The following CIBAR1 variants were observed in gnomAD, a reference collection of about 807,000 sequenced individuals.
CIBAR1 encodes the protein CBY1-interacting BAR domain-containing protein 1.
CIBAR1 carries 25 observed loss-of-function variants against 44.0 expected under a neutral mutation model. The observed-to-expected ratio is 0.57, with a 90% CI of 0.41 to 0.79. CIBAR1 has a LOEUF of 0.79. Among genes scored for constraint, CIBAR1 ranks in the 30% least tolerant of loss-of-function variants. The probability of loss-of-function intolerance (pLI) is 0.00; values close to 1 mark genes in which losing one functional copy is unlikely to be tolerated. For missense variants in CIBAR1, 278 were observed against 344.8 expected, an observed-to-expected ratio of 0.81 and a Z score of 1.53; for synonymous variants, 115 against 119.0, an observed-to-expected ratio of 0.97 and a Z score of 0.22.
rs375902786 is a variant in CIBAR1 at position 93,717,976 on chromosome 8, G to C, written c.544-699G>C. Among the ~76,000 whole-genome samples, 3 of 152,092 alleles carry C rather than the reference G, an allele frequency of 2.0e-5. No individual in the cohort carries two copies. The East Asian group carries it at 5.8e-4, about 29-fold the overall frequency. On this transcript the variant is annotated intron_variant, in intron 6 of 8. Coordinates refer to ENST00000518322, the MANE Select transcript of CIBAR1 (RefSeq NM_145269.5). Reference sequence around the variant, plus strand: ...TCATGCTTATAGAGGTTACCTGCACGGTTTATCTGTGAAGGAAATGATTGA... The same window carrying C: ...TCATGCTTATAGAGGTTACCTGCACCGTTTATCTGTGAAGGAAATGATTGA...
intron 3 of CIBAR1, among the ~76,000 whole-genome samples, chr8:93,704,178 C>T (rs931999321): frequency 6.6e-6 from 1 of 151,900 alleles, no homozygotes; most frequent in Non-Finnish European, 1.5e-5. Flanking sequence ...ATTAAGTATA[C>T]TGTAGCAATA....
At chr8:93,727,277 TGA>T in intron 8 of CIBAR1, 1 of 1,023,742 alleles carries the variant, frequency 9.8e-7, no homozygotes, top group Non-Finnish European at 1.3e-6. Flanking sequence ...TATTTTCATT[TGA>T]TTCTCCTGTA....
At chr8:93,713,949 G>A (rs1056718986) in intron 6 of CIBAR1, among the ~76,000 whole-genome samples, 2 of 152,032 alleles carry the variant, frequency 1.3e-5, no homozygotes, top group African/African-American at 4.8e-5. Flanking sequence ...GGCTATTCTG[G>A]ATCTATGGCA....
chr8:93,718,619 A>G lies in CIBAR1; in HGVS notation c.544-56A>G, dbSNP rs554764017. ...GACTATAGTGAGGAATAAAGTTACT[A>G]TATTCATAAAGAAATTTAAATCATT... On this transcript the variant is annotated intron_variant, in intron 6 of 8. Coordinates refer to ENST00000518322, the MANE Select transcript of CIBAR1 (RefSeq NM_145269.5). The G allele has an allele frequency of 2.9e-4, 281 of 968,044 alleles. 2 individuals are homozygous for G. In the African/African-American group the frequency reaches 3.9e-3, roughly 14 times the overall value. The allele number at this position is 968,044 out of a possible 1,614,324, so 60.0% of individuals were successfully genotyped here. A position where few individuals can be genotyped will look rare whatever the true frequency, so the allele number is the denominator to read the frequency against.
chr8:93,700,832 C>T (rs1403601443), intron 1 of CIBAR1, 159 bp downstream of exon 1: 3 of 1,317,756 alleles, frequency 2.3e-6, no homozygotes, highest in African/African-American at 3.1e-5. Context: ...CCTTGGGCTG[C>T]AGCCACCGCC....
intron 6 of CIBAR1, among the ~76,000 whole-genome samples, chr8:93,710,171 G>A (rs916569125): frequency 1.3e-5 from 2 of 151,958 alleles, no homozygotes; most frequent in Non-Finnish European, 2.9e-5. Flanking sequence ...CAGCTTCTTA[G>A]GGGGCTGAGG....
intron 6 of CIBAR1, among the ~76,000 whole-genome samples, chr8:93,713,928 A>T (rs1206545003): frequency 6.6e-6 from 1 of 152,156 alleles, no homozygotes; most frequent in Admixed American, 6.5e-5. Context: ...TTCTTTTTTT[A>T]AAATTGATGT....
At chr8:93,717,743 G>A (rs1045944143) in intron 6 of CIBAR1, among the ~76,000 whole-genome samples, 4 of 152,144 alleles carry the variant, frequency 2.6e-5, no homozygotes, top group African/African-American at 9.7e-5. Context: ...CCATGCTTGA[G>A]TATTTTCTGC....
In CIBAR1 at chr8:93,726,529, T is replaced by C. The variant is rs1563652620; in HGVS notation, c.777+16T>C. ...AACAGGACAGGTGAGCAAGAAACCG[T>C]ACTCTAAAGGAATTTGAGCTGCTGC... On this transcript the variant is annotated intron_variant, in intron 8 of 8. Coordinates refer to ENST00000518322, the MANE Select transcript of CIBAR1 (RefSeq NM_145269.5). 6.2e-7 allele frequency: 1 copy of C among 1,612,460 alleles called. No individual in the cohort carries two copies. Among genetic ancestry groups the C allele is most frequent in the South Asian group, 1.1e-5 (1 of 90,888 alleles).
At chr8:93,722,318 C>T (rs1454320331) in intron 7 of CIBAR1, among the ~76,000 whole-genome samples, 1 of 152,158 alleles carries the variant, frequency 6.6e-6, no homozygotes, top group Non-Finnish European at 1.5e-5. Flanking sequence ...TTGTAAGAAC[C>T]GCTGAGATTT....
chr8:93,718,827 T>C, intron 7 of CIBAR1, 39 bp downstream of exon 7: 2 of 1,204,828 alleles, frequency 1.7e-6, no homozygotes, highest in Non-Finnish European at 2.3e-6. Context: ...CTTCTGTTAA[T>C]GTGGAAATAT....
intron 8 of CIBAR1, chr8:93,727,238 C>T (rs982564642): frequency 8.1e-7 from 1 of 1,236,914 alleles, no homozygotes; most frequent in Non-Finnish European, 1.1e-6. Flanking sequence ...CAAGATACAA[C>T]TTTTAGGTAA....
chr8:93,719,038 A>AT (rs1811144712), intron 7 of CIBAR1, among the ~76,000 whole-genome samples: 1 of 151,906 alleles, frequency 6.6e-6, no homozygotes, highest in Admixed American at 6.6e-5. Flanking sequence ...TAATTTTTGT[A>AT]TTTTTAGTAG....
rs898070986 is a variant in CIBAR1, at chr8:93,729,457, C to G, written c.*1160C>G. ...AATTTGGTTGTACTTCGGGGGAAAACAACAGAGTTATTATTTTGCTGCTTA... is the reference window on the plus strand; with the variant it reads ...AATTTGGTTGTACTTCGGGGGAAAAGAACAGAGTTATTATTTTGCTGCTTA... On this transcript the variant is annotated 3_prime_UTR_variant, in exon 9 of 9. Coordinates refer to ENST00000518322, the MANE Select transcript of CIBAR1 (RefSeq NM_145269.5). The G allele has an allele frequency of 1.3e-5, 2 of 152,120 alleles. No homozygotes were observed. The highest frequency in any genetic ancestry group is 2.9e-5 in the Non-Finnish European group (2 of 67,974). The allele number at this position is 152,120 out of a possible 1,614,324, so 9.4% of individuals were successfully genotyped here. A position where few individuals can be genotyped will look rare whatever the true frequency, so the allele number is the denominator to read the frequency against.
At chr8:93,726,091 G>T in intron 7 of CIBAR1, 1 of 259,388 alleles carries the variant, frequency 3.9e-6, no homozygotes, top group South Asian at 4.8e-5. Context: ...CTCCCTACTA[G>T]CTTGCATGCT....
intron 7 of CIBAR1, among the ~76,000 whole-genome samples, chr8:93,724,170 C>G (rs961709298): frequency 6.6e-6 from 1 of 152,178 alleles, no homozygotes; most frequent in African/African-American, 2.4e-5. Context: ...CTACAGTGAG[C>G]TATGACTGCA....
intron 7 of CIBAR1, among the ~76,000 whole-genome samples, chr8:93,720,501 C>T (rs1811222562): frequency 1.3e-5 from 2 of 152,156 alleles, no homozygotes; most frequent in African/African-American, 4.8e-5. Context: ...TCAATCATGA[C>T]TTCCCAAGTG....
intron 7 of CIBAR1, chr8:93,719,765 A>C (rs1811175466): frequency 6.6e-6 from 1 of 152,216 alleles, no homozygotes; most frequent in African/African-American, 2.4e-5. Context: ...TTCTGTAAAT[A>C]TCCAACCCTC....
intron 7 of CIBAR1, among the ~76,000 whole-genome samples, chr8:93,723,088 C>T (rs1811329900): frequency 6.6e-6 from 1 of 152,218 alleles, no homozygotes; most frequent in Admixed American, 6.5e-5. Context: ...GCTCCGCCTC[C>T]CGGATTCACA....
Sources: allele counts gnomAD v4.1 joint callset (sites outside exome capture counted in the v4.1 genomes callset), GRCh38; gene constraint gnomAD v4.1.1; transcripts MANE v1.5; gene names NCBI Gene and HGNC (gene_info 2026-07-23, HGNC 2026-07-21).